The following KCNH8 variants were observed in gnomAD, a reference collection of about 807,000 sequenced individuals.
KCNH8 encodes the protein potassium voltage-gated channel subfamily H member 8.
In KCNH8, 70 loss-of-function variants were observed where a neutral mutation model predicts 103.6. That is an observed-to-expected ratio of 0.68 (90% CI 0.56 to 0.82). The LOEUF is 0.82. KCNH8 is among the 40% of genes least tolerant of loss of function. The pLI, the probability that KCNH8 is intolerant of heterozygous loss-of-function variation, is 0.00. For missense variants in KCNH8, 1,217 were observed against 1,329.9 expected, an observed-to-expected ratio of 0.92 and a Z score of 1.32; for synonymous variants, 498 against 489.4, an observed-to-expected ratio of 1.02 and a Z score of -0.23.
At chr3:19,377,979 T>C (rs1186524081) in intron 5 of KCNH8, among the ~76,000 whole-genome samples, 2 of 152,204 alleles carry the variant, frequency 1.3e-5, no homozygotes, top group Non-Finnish European at 2.9e-5. Flanking sequence ...CTCTTTATTT[T>C]ATTTCTTACC....
intron 3 of KCNH8, among the ~76,000 whole-genome samples, chr3:19,285,970 G>A (rs79411493): frequency 0.015 from 2,291 of 152,292 alleles, 65 homozygotes; most frequent in African/African-American, 0.052. Flanking sequence ...GAAGCAAATC[G>A]TGAAAGATGA....
At chr3:19,293,181 G>A (rs193172742) in intron 3 of KCNH8, among the ~76,000 whole-genome samples, 2 of 152,158 alleles carry the variant, frequency 1.3e-5, no homozygotes, top group East Asian at 1.9e-4. Context: ...CCAATGCCTC[G>A]GTGCTGTGCA....
intron 1 of KCNH8, among the ~76,000 whole-genome samples, chr3:19,164,703 G>A (rs958655668): frequency 2.6e-5 from 4 of 152,188 alleles, no homozygotes; most frequent in Non-Finnish European, 5.9e-5. Context: ...CTATTTTTAT[G>A]CTTTTTAAGA....
chr3:19,221,622 A>G (rs567924895), intron 1 of KCNH8, among the ~76,000 whole-genome samples: 9 of 152,114 alleles, frequency 5.9e-5, no homozygotes, highest in African/African-American at 1.9e-4. Context: ...CTTCCAAAAC[A>G]CGGATTGTCC....
In KCNH8 at chr3:19,289,676, G is replaced by A. The variant is rs543849283; in HGVS notation, c.442+8347G>A. ...AGGTAGCGTCATGCCTCCAGCTTTT[G>A]GCTGGAGGATTCCAGCCAAATCTTT... On this transcript the variant is annotated intron_variant, in intron 3 of 15. Coordinates refer to ENST00000328405, the MANE Select transcript of KCNH8 (RefSeq NM_144633.3). Among the ~76,000 whole-genome samples, 6 of 151,748 alleles carry A rather than the reference G, an allele frequency of 4.0e-5. No homozygotes were observed. The South Asian group carries it at 1.3e-3, about 32-fold the overall frequency.
intron 1 of KCNH8, among the ~76,000 whole-genome samples, chr3:19,198,500 C>G (rs556536523): frequency 1.3e-5 from 2 of 152,116 alleles, no homozygotes; most frequent in African/African-American, 4.8e-5. Context: ...AGATTTGGAC[C>G]CTTTCCTACA....
intron 11 of KCNH8, among the ~76,000 whole-genome samples, chr3:19,472,323 G>A (rs1352493422): frequency 1.3e-5 from 2 of 151,748 alleles, no homozygotes; most frequent in African/African-American, 4.8e-5. Context: ...TTTCTTTGGT[G>A]ATATGGTCTG....
Position 19,409,376 on chromosome 3 carries a change from A to G in KCNH8, c.1177+14065A>G, listed in dbSNP as rs1379428462. Among the ~76,000 whole-genome samples, 6 of 152,280 alleles carry G rather than the reference A, an allele frequency of 3.9e-5. No individual in the cohort carries two copies. In the South Asian group the frequency reaches 1.2e-3, roughly 32 times the overall value. On this transcript the variant is annotated intron_variant, in intron 7 of 15. Transcript: ENST00000328405. ...AGAGATTCTTAAGGGAGTTCTACAC[A>G]TGGAAACAAAAGAATGATAACTGCC...
chr3:19,268,525 C>T (rs2064545198), intron 2 of KCNH8, among the ~76,000 whole-genome samples: 1 of 152,082 alleles, frequency 6.6e-6, no homozygotes, highest in Non-Finnish European at 1.5e-5. Context: ...GTCGACTATT[C>T]TCAGGCTATT....
rs117137271 is a variant in KCNH8, at chr3:19,487,483, G to A, written c.2041-22880G>A. Reference sequence around the variant, plus strand: ...TTCTAAATTATAGGTGCTTTTAAGCGCCTGAGATGAACCTGGATTCCCTCA... The same window carrying A: ...TTCTAAATTATAGGTGCTTTTAAGCACCTGAGATGAACCTGGATTCCCTCA... On this transcript the variant is annotated intron_variant, in intron 11 of 15. Coordinates refer to ENST00000328405, the MANE Select transcript of KCNH8 (RefSeq NM_144633.3). Among the ~76,000 whole-genome samples, 940 of 152,176 alleles carry A rather than the reference G, an allele frequency of 6.2e-3. 12 individuals carry two copies. Among genetic ancestry groups the A allele is most frequent in the South Asian group, 0.053 (253 of 4,812 alleles).
chr3:19,485,537 C>T (rs572207470), intron 11 of KCNH8, among the ~76,000 whole-genome samples: 1 of 152,308 alleles, frequency 6.6e-6, no homozygotes, highest in South Asian at 2.1e-4. Context: ...TTGTGCACGG[C>T]CAATACGATT....
At chr3:19,293,770 A>G (rs1473298544) in intron 3 of KCNH8, among the ~76,000 whole-genome samples, 2 of 152,194 alleles carry the variant, frequency 1.3e-5, no homozygotes, top group Non-Finnish European at 2.9e-5. Flanking sequence ...CAGGGAACAG[A>G]CTTTGCTTTT....
At chr3:19,488,493 C>G (rs538142091) in intron 11 of KCNH8, among the ~76,000 whole-genome samples, 1 of 152,316 alleles carries the variant, frequency 6.6e-6, no homozygotes, top group South Asian at 2.1e-4. Flanking sequence ...CTAACTAAGG[C>G]CATGTTAATC....
At chr3:19,405,519 G>A (rs2066678616) in intron 7 of KCNH8, among the ~76,000 whole-genome samples, 1 of 151,762 alleles carries the variant, frequency 6.6e-6, no homozygotes, top group African/African-American at 2.4e-5. Flanking sequence ...TATTAAATAT[G>A]TGCTGTAACT....
intron 3 of KCNH8, among the ~76,000 whole-genome samples, chr3:19,308,756 CT>C (rs2065170163): frequency 1.0e-5 from 1 of 100,052 alleles, no homozygotes; most frequent in Admixed American, 1.0e-4. Flanking sequence ...CTCTCTCCCT[CT>C]CTCCCTCTCT....
At chr3:19,258,074 C>T (rs1468238363) in intron 2 of KCNH8, among the ~76,000 whole-genome samples, 6 of 151,984 alleles carry the variant, frequency 3.9e-5, no homozygotes, top group Non-Finnish European at 5.9e-5. Flanking sequence ...TGGTCCTACT[C>T]TAATGACCTC....
intron 7 of KCNH8, among the ~76,000 whole-genome samples, chr3:19,403,400 A>ATATATATATATATATATAT (rs1553591408): frequency 6.4e-5 from 9 of 141,664 alleles, no homozygotes; most frequent in Non-Finnish European, 1.4e-4. Flanking sequence ...ATATATATAT[A>ATATATATATATATATATAT]AAATCCTTCT....
rs143933480 is a variant in KCNH8 at position 19,305,074 on chromosome 3, C to G, written c.442+23745C>G. 2.0e-3 allele frequency among the ~76,000 whole-genome samples: 290 copies of G among 147,514 alleles called. 1 individual carries two copies. Among genetic ancestry groups the G allele is most frequent in the Non-Finnish European group, 3.2e-3 (214 of 66,682 alleles). Reference sequence around the variant, plus strand: ...GCATCATGACACTGTTAACTGCAAACAAAAAGATAATTCGACTTCCAGAAA... The same window carrying G: ...GCATCATGACACTGTTAACTGCAAAGAAAAAGATAATTCGACTTCCAGAAA... On this transcript the variant is annotated intron_variant, in intron 3 of 15. Coordinates refer to ENST00000328405, the MANE Select transcript of KCNH8 (RefSeq NM_144633.3).
chr3:19,336,166 A>G (rs1004021452), intron 3 of KCNH8, among the ~76,000 whole-genome samples: 4 of 151,766 alleles, frequency 2.6e-5, no homozygotes, highest in Non-Finnish European at 5.9e-5. Context: ...ATTTTGTAAT[A>G]GATACATTTT....
Sources: allele counts gnomAD v4.1 joint callset (sites outside exome capture counted in the v4.1 genomes callset), GRCh38; gene constraint gnomAD v4.1.1; transcripts MANE v1.5; gene names NCBI Gene and HGNC (gene_info 2026-07-23, HGNC 2026-07-21).